DRC3: variants seen among roughly 807,000 people sequenced by gnomAD.
The protein encoded by DRC3 is dynein regulatory complex subunit 3, also known as leucine rich repeat containing 48.
In DRC3, 45 loss-of-function variants were observed where a neutral mutation model predicts 57.6. The observed-to-expected ratio is 0.78, with a 90% confidence interval of 0.62 to 1.00. The LOEUF is 1.00. Ranked by LOEUF, DRC3 falls within the 50% of genes least tolerant of loss-of-function variation. DRC3 has a pLI of 0.00. For synonymous variants in DRC3, 257 were observed against 272.3 expected (o/e 0.94, Z 0.55); for missense variants, 655 against 675.2 (o/e 0.97, Z 0.33).
rs914439086 is a variant in DRC3 at position 18,007,094 on chromosome 17, GAGA to G, written c.1277_1279del (p.Lys426del). 1.9e-6 allele frequency: 3 copies of G among 1,581,068 alleles called. No homozygotes were observed. Among genetic ancestry groups the G allele is most frequent in the East Asian group, 2.4e-5 (1 of 42,222 alleles). Reference sequence around the variant, plus strand: ...CCTGGAGATCTCTATCAGCACCCTGGAGAAGATTGTCGAGGGCGACCTGGACGA... The same window carrying G: ...CCTGGAGATCTCTATCAGCACCCTGGAGATTGTCGAGGGCGACCTGGACGA... On this transcript the variant is annotated inframe_deletion, in exon 12 of 14. Transcript: ENST00000399187.
At position 18,007,147 on chromosome 17, in the gene DRC3, G is replaced by A. The variant is rs368285580; in HGVS notation, c.1326G>A (p.Ala442=). The A allele has an allele frequency of 1.7e-5, 26 of 1,504,910 alleles. No individual in the cohort carries two copies. The highest frequency in any genetic ancestry group is 2.2e-5 in the Non-Finnish European group (25 of 1,117,908). The allele number at this position is 1,504,910 out of a possible 1,614,324, so 93.2% of individuals were successfully genotyped here. A position where few individuals can be genotyped will look rare whatever the true frequency, so the allele number is the denominator to read the frequency against. Residue 442 remains alanine (A), a splice_region_variant and synonymous_variant, in exon 12 of 14, where the codon GCG becomes GCA. Coordinates refer to ENST00000399187, the MANE Select transcript of DRC3 (RefSeq NM_031294.4). ...AGGACCTGCCTAACGACCTGCGCGC[G>A]GTAGGCGGGGCGGGCTGCTCGGAGC... ...LDEDLPNDLR[A]LFVDKDTIVN...
At chr17:17,998,904 C>G (rs1252485707) in intron 9 of DRC3, among the ~76,000 whole-genome samples, 2 of 152,226 alleles carry the variant, frequency 1.3e-5, no homozygotes, top group East Asian at 3.8e-4. Context: ...ACATTAGAAA[C>G]TAGCAGATTT....
chr17:17,977,817 T>A, intron 3 of DRC3, 59 bp downstream of exon 3: 1 of 1,499,300 alleles, frequency 6.7e-7, no homozygotes, highest in Non-Finnish European at 8.9e-7. Context: ...CTTTCTCTGC[T>A]CCATCTTCAA....
intron 12 of DRC3, chr17:18,011,281 C>A: frequency 3.1e-6 from 1 of 317,938 alleles, no homozygotes. Flanking sequence ...AAAGATTATG[C>A]CAGTGCAGAA....
At chr17:17,979,998 A>C (rs1353208895) in intron 3 of DRC3, among the ~76,000 whole-genome samples, 1 of 150,092 alleles carries the variant, frequency 6.7e-6, no homozygotes, top group African/African-American at 2.5e-5. Context: ...GCAGCAATCC[A>C]GCTCTAAGGG....
chr17:17,988,344 G>C, intron 5 of DRC3: 1 of 520,164 alleles, frequency 1.9e-6, no homozygotes, highest in Non-Finnish European at 3.5e-6. Context: ...TTCTTTCCCT[G>C]TGTCTTGCAC....
chr17:17,975,803 G>A (rs751956776), intron 2 of DRC3, among the ~76,000 whole-genome samples: 11 of 152,222 alleles, frequency 7.2e-5, no homozygotes, highest in Admixed American at 1.3e-4. Context: ...GGTAGGGGTT[G>A]AAGGGTGTGG....
At chr17:17,977,336 T>A (rs942327657) in intron 2 of DRC3, 1 of 484,818 alleles carries the variant, frequency 2.1e-6, no homozygotes, top group African/African-American at 2.0e-5. Flanking sequence ...CCAGCGAGGG[T>A]CCCAGCTGTG....
At chr17:18,000,247 AGTGTGTGTGTGTGTGTGTGTG>A (rs2043661410) in intron 9 of DRC3, among the ~76,000 whole-genome samples, 1 of 58,468 alleles carries the variant, frequency 1.7e-5, no homozygotes, top group Non-Finnish European at 3.6e-5. Flanking sequence ...CTTTCACGTG[AGTGTGTGTGTGTGTGTGTGTG>A]CATAGCATGC....
chr17:17,988,247 T>G (rs1461639539), intron 5 of DRC3, 149 bp downstream of exon 5: 1 of 841,740 alleles, frequency 1.2e-6, no homozygotes, highest in Non-Finnish European at 1.8e-6. Flanking sequence ...GATTACTCCA[T>G]GAGGGATTTG....
chr17:17,985,335 T>C (rs1568470398), intron 4 of DRC3, among the ~76,000 whole-genome samples: 1 of 152,218 alleles, frequency 6.6e-6, no homozygotes, highest in African/African-American at 2.4e-5. Context: ...ATTGGACTGA[T>C]GGCCAGTGCT....
intron 9 of DRC3, 47 bp downstream of exon 9, chr17:17,997,681 C>T: frequency 6.7e-7 from 1 of 1,494,960 alleles, no homozygotes; most frequent in East Asian, 2.4e-5. Context: ...TGCTGTAGGC[C>T]CTCCCTGCTC....
rs1284181802 is a variant in DRC3 at position 17,997,496 on chromosome 17, T to A, written c.861T>A (p.Ile287=). ...KDKFVIICVN[I]FEYGLKQQEK... is the part of the protein sequence containing the mutation. ...AGTTTGTCATCATCTGCGTGAATAT[T>A]TTTGAGTATGGCCTGAAACAGCAGG... is the stretch of plus-strand genomic sequence containing the variant. The change falls in exon 9 of 14, where the codon ATT becomes ATA. Residue 287 remains isoleucine (I), a synonymous_variant. Transcript: ENST00000399187. The A allele has an allele frequency of 1.9e-6, 3 of 1,613,404 alleles. No individual in the cohort carries two copies. The highest frequency in any genetic ancestry group is 2.5e-6 in the Non-Finnish European group (3 of 1,179,682).
At chr17:18,009,861 C>T (rs1444880229) in intron 12 of DRC3, among the ~76,000 whole-genome samples, 1 of 152,166 alleles carries the variant, frequency 6.6e-6, no homozygotes, top group Non-Finnish European at 1.5e-5. Flanking sequence ...GCCAATCTGT[C>T]CCATATCTAT....
chr17:18,015,232 T>G (rs2044314002), intron 12 of DRC3: 1 of 152,246 alleles, frequency 6.6e-6, no homozygotes, highest in African/African-American at 2.4e-5. Context: ...CAGAACGTTT[T>G]AGAGACCATT....
intron 3 of DRC3, among the ~76,000 whole-genome samples, chr17:17,983,339 TAA>T (rs1178541606): frequency 6.6e-6 from 1 of 152,246 alleles, no homozygotes; most frequent in Non-Finnish European, 1.5e-5. Context: ...GCACTGACTT[TAA>T]ATATTTCAAA....
chr17:17,991,175 C>T (rs1011728265), intron 5 of DRC3, among the ~76,000 whole-genome samples: 3 of 151,154 alleles, frequency 2.0e-5, no homozygotes, highest in Non-Finnish European at 4.4e-5. Context: ...GTGTTTGCTG[C>T]TAGGTGACTA....
At chr17:17,975,601 T>C (rs1216560633) in intron 2 of DRC3, among the ~76,000 whole-genome samples, 1 of 139,404 alleles carries the variant, frequency 7.2e-6, no homozygotes, top group East Asian at 2.1e-4. Context: ...GACAAGTTGA[T>C]GACAAGTTAT....
In DRC3 at chr17:18,004,460, T is replaced by A. The variant is rs1179243512; in HGVS notation, c.1097T>A (p.Met366Lys). 8.7e-6 allele frequency: 14 copies of A among 1,611,494 alleles called. No individual in the cohort carries two copies. The highest frequency in any genetic ancestry group is 1.1e-5 in the Non-Finnish European group (13 of 1,178,978). ...ADISELFDAL[M>K]TLEMQLVEQL... ...ATCAGTGAGTTGTTCGATGCGCTCA[T>A]GACGCTGGAGATGCAGCTGGTGGAG... Residue 366 changes from methionine (M) to lysine (K), a missense_variant, in exon 10 of 14, where the codon ATG (methionine) becomes AAG (lysine). By Grantham distance (95) the Met-to-Lys change is moderately conservative. Transcript: ENST00000399187.
Sources: gnomAD v4.1 joint callset for allele counts (sites outside exome capture counted in the v4.1 genomes callset) on GRCh38, gnomAD v4.1.1 for gene constraint, MANE v1.5 for transcripts, NCBI Gene and HGNC (gene_info 2026-07-23, HGNC 2026-07-21) for gene names.